Variants in ZNF827 observed in about 807,000 individuals in gnomAD.
ZNF827 encodes zinc finger protein 827.
ZNF827 carries 13 observed loss-of-function variants against 102.4 expected under a neutral mutation model. The ratio of observed to expected loss-of-function variants is 0.13; its 90% CI spans 0.08 to 0.20. The LOEUF is 0.20. ZNF827 is among the 10% of genes least tolerant of loss of function. The pLI is 1.00. For missense variants in ZNF827, 1,103 were observed against 1,344.4 expected (o/e 0.82, Z 2.81); for synonymous variants, 523 against 536.2 (o/e 0.98, Z 0.34).
intron 1 of ZNF827, among the ~76,000 whole-genome samples, chr4:145,915,516 C>T (rs1467923180): frequency 2.0e-5 from 3 of 152,086 alleles, no homozygotes; most frequent in African/African-American, 7.2e-5. Flanking sequence ...ATTCATAGGG[C>T]AGAGCTCTCC....
intron 2 of ZNF827, among the ~76,000 whole-genome samples, chr4:145,896,519 A>G (rs181251573): frequency 6.4e-4 from 98 of 152,316 alleles, no homozygotes; most frequent in Non-Finnish European, 1.1e-3. Flanking sequence ...GGTACAACAT[A>G]TAATTCAGTA....
chr4:145,824,830 G>A (rs992721892), intron 7 of ZNF827, among the ~76,000 whole-genome samples: 2 of 152,212 alleles, frequency 1.3e-5, no homozygotes, highest in African/African-American at 4.8e-5. Flanking sequence ...GGCTATGGTT[G>A]CTATTATTCA....
intron 1 of ZNF827, among the ~76,000 whole-genome samples, chr4:145,917,011 G>A (rs1271186922): frequency 2.0e-5 from 2 of 98,886 alleles, no homozygotes; most frequent in South Asian, 8.7e-4. Flanking sequence ...CCAACATTCC[G>A]ATCACAGCCC....
At chr4:145,814,034 G>A (rs1742314633) in intron 8 of ZNF827, among the ~76,000 whole-genome samples, 1 of 152,162 alleles carries the variant, frequency 6.6e-6, no homozygotes, top group Admixed American at 6.5e-5. Flanking sequence ...GTTACAGGTT[G>A]AGCCTCCCAA....
chr4:145,930,564 T>G (rs573817743), intron 1 of ZNF827, among the ~76,000 whole-genome samples: 30 of 152,360 alleles, frequency 2.0e-4, no homozygotes, highest in Middle Eastern at 3.4e-3. Flanking sequence ...AATTAGGATT[T>G]TCTTAAAAAC....
rs112250907 is a variant in ZNF827 at position 145,789,255 on chromosome 4, C to T, written c.2384-9744G>A. Among the ~76,000 whole-genome samples the T allele has an allele frequency of 1.2e-3, 179 of 152,270 alleles. 1 individual carries two copies. The highest frequency in any genetic ancestry group is 4.1e-3 in the African/African-American group (169 of 41,550). On this transcript the variant is annotated intron_variant, in intron 8 of 14. Transcript: ENST00000508784. Reference sequence around the variant, plus strand: ...TGAATTCTTTATTATGGGGGAAAAACAGATCCATAATTGGTTAAGTCTCTG... The same window carrying T: ...TGAATTCTTTATTATGGGGGAAAAATAGATCCATAATTGGTTAAGTCTCTG...
chr4:145,803,637 T>C (rs941257504), intron 8 of ZNF827, among the ~76,000 whole-genome samples: 5 of 152,212 alleles, frequency 3.3e-5, no homozygotes, highest in African/African-American at 1.2e-4. Context: ...TCCTCCATTT[T>C]AGGTGGAGAG....
intron 1 of ZNF827, among the ~76,000 whole-genome samples, chr4:145,936,048 G>T (rs1454749901): frequency 6.6e-6 from 1 of 151,692 alleles, no homozygotes; most frequent in African/African-American, 2.4e-5. Context: ...CCCTGTTTTC[G>T]CACACAAGCT....
chr4:145,857,916 T>C (rs1313349446), intron 5 of ZNF827, among the ~76,000 whole-genome samples: 2 of 152,130 alleles, frequency 1.3e-5, no homozygotes, highest in African/African-American at 4.8e-5. Flanking sequence ...TTTCATCTAA[T>C]GTCCAGAATA....
intron 1 of ZNF827, among the ~76,000 whole-genome samples, chr4:145,930,599 G>A (rs1279442560): frequency 6.6e-6 from 1 of 152,170 alleles, no homozygotes; most frequent in African/African-American, 2.4e-5. Context: ...TCTAAACCCT[G>A]GTCACTTAAG....
intron 5 of ZNF827, among the ~76,000 whole-genome samples, chr4:145,855,944 G>C (rs566085640): frequency 1.4e-3 from 207 of 151,744 alleles, no homozygotes; most frequent in African/African-American, 4.7e-3. Flanking sequence ...ACCCTACACT[G>C]TGTCTCCCCC....
In ZNF827 at chr4:145,779,528, A is replaced by G. The variant is rs758945363; in HGVS notation, c.2384-17T>C. ...TTTCTGTTTCTGGGTCAAAAGAACA[A>G]AGCATCATGAGAAATAAGGCAACAA... On this transcript the variant is annotated splice_polypyrimidine_tract_variant and intron_variant, in intron 8 of 14. Transcript: ENST00000508784. The G allele has an allele frequency of 1.2e-6, 2 of 1,611,228 alleles. No individual in the cohort carries two copies. Among genetic ancestry groups the G allele is most frequent in the Non-Finnish European group, 1.7e-6 (2 of 1,178,990 alleles).
At chr4:145,866,426 T>C (rs1187804394) in intron 5 of ZNF827, among the ~76,000 whole-genome samples, 1 of 152,234 alleles carries the variant, frequency 6.6e-6, no homozygotes, top group African/African-American at 2.4e-5. Context: ...ATTTCAAATC[T>C]AGGGCCTGGT....
intron 7 of ZNF827, among the ~76,000 whole-genome samples, chr4:145,842,211 C>G (rs62345828): frequency 6.6e-6 from 1 of 152,070 alleles, no homozygotes; most frequent in Non-Finnish European, 1.5e-5. Flanking sequence ...AAAAAATTGC[C>G]AGCAAAGAAT....
chr4:145,850,261 C>T (rs529731083), intron 5 of ZNF827, among the ~76,000 whole-genome samples: 55 of 152,234 alleles, frequency 3.6e-4, no homozygotes, highest in Non-Finnish European at 5.7e-4. Flanking sequence ...GTGCCCACTT[C>T]GGCCTCCAAA....
At chr4:145,884,922 A>G (rs564588330) in intron 4 of ZNF827, among the ~76,000 whole-genome samples, 9 of 152,250 alleles carry the variant, frequency 5.9e-5, no homozygotes, top group African/African-American at 2.2e-4. Flanking sequence ...AGATTCAAAG[A>G]CATAAAGTAG....
intron 4 of ZNF827, 46 bp from the exon 5 acceptor site, chr4:145,870,524 C>T: frequency 6.6e-7 from 1 of 1,514,708 alleles, no homozygotes; most frequent in Non-Finnish European, 9.1e-7. Flanking sequence ...AAGGCCACTC[C>T]CCTCCTTAGC....
intron 5 of ZNF827, among the ~76,000 whole-genome samples, chr4:145,854,861 A>G (rs146774248): frequency 6.6e-6 from 1 of 152,264 alleles, no homozygotes; most frequent in East Asian, 1.9e-4. Context: ...TTTGTACCTT[A>G]TAAATATTGT....
At chr4:145,777,502 C>G (rs1251041874) in intron 9 of ZNF827, among the ~76,000 whole-genome samples, 1 of 152,166 alleles carries the variant, frequency 6.6e-6, no homozygotes, top group Admixed American at 6.5e-5. Context: ...GTTCCCTCCC[C>G]ACTTTGGGTC....
Sources: allele counts gnomAD v4.1 joint callset (sites outside exome capture counted in the v4.1 genomes callset), GRCh38; gene constraint gnomAD v4.1.1; transcripts MANE v1.5; gene names NCBI Gene and HGNC (gene_info 2026-07-23, HGNC 2026-07-21).